The following LOC400499 variants were observed in gnomAD, a reference collection of about 807,000 sequenced individuals.
At chr16:11,381,144 C>A in the LOC400499 span, 63,517 of 151,696 alleles carry the variant, frequency 0.42, 13,599 homozygotes, top group Non-Finnish European at 0.48. Context: ...GGAACTCACT[C>A]CCCGTGCCGG....
At chr16:11,474,828 C>T in the LOC400499 span, among the ~76,000 whole-genome samples, 2 of 152,138 alleles carry the variant, frequency 1.3e-5, no homozygotes, top group African/African-American at 2.4e-5. Flanking sequence ...CATGATTGCA[C>T]CATTGCACTC....
chr16:11,407,426 A>C, the LOC400499 span: 1 of 396,446 alleles, frequency 2.5e-6, no homozygotes, highest in Non-Finnish European at 4.4e-6. Flanking sequence ...TGCTGGCTGT[A>C]GGCCGAGGGC....
the LOC400499 span, among the ~76,000 whole-genome samples, chr16:11,436,263 T>G: frequency 6.6e-6 from 1 of 152,070 alleles, no homozygotes; most frequent in East Asian, 1.9e-4. Context: ...TTGCAACTCC[T>G]CCACAGAAAA....
chr16:11,517,980 G>A, the LOC400499 span, among the ~76,000 whole-genome samples: 3 of 152,194 alleles, frequency 2.0e-5, no homozygotes, highest in East Asian at 5.8e-4. Context: ...AGCTCCAACT[G>A]AAGCCTGGAG....
At chr16:11,484,452 C>G in the LOC400499 span, among the ~76,000 whole-genome samples, 1 of 152,004 alleles carries the variant, frequency 6.6e-6, no homozygotes, top group African/African-American at 2.4e-5. Context: ...TAGTGTTCAC[C>G]GTGTGTCAAT....
chr16:11,413,940 C>A, the LOC400499 span, among the ~76,000 whole-genome samples: 5 of 152,158 alleles, frequency 3.3e-5, no homozygotes, highest in South Asian at 8.3e-4. Context: ...TCGGAGAGGG[C>A]CTTGGTAAGG....
chr16:11,381,888 T>C, the LOC400499 span, among the ~76,000 whole-genome samples: 2 of 152,190 alleles, frequency 1.3e-5, no homozygotes, highest in Non-Finnish European at 2.9e-5. Flanking sequence ...GATGGATTTA[T>C]TGTATTGGGG....
chr16:11,399,649 G>C, the LOC400499 span: 3 of 398,732 alleles, frequency 7.5e-6, no homozygotes, highest in Admixed American at 4.4e-5. Flanking sequence ...CAGCTGAGAA[G>C]CCTGGAGCGA....
chr16:11,446,828 G>A, the LOC400499 span: 17 of 1,536,056 alleles, frequency 1.1e-5, no homozygotes, highest in Non-Finnish European at 1.5e-5. Flanking sequence ...CTAGTCTCCA[G>A]GGAATAGCGC....
the LOC400499 span, among the ~76,000 whole-genome samples, chr16:11,382,334 C>G: frequency 6.6e-6 from 1 of 152,194 alleles, no homozygotes; most frequent in Non-Finnish European, 1.5e-5. Context: ...TTTTAAATGT[C>G]TGAATGGCAG....
At chr16:11,491,049 T>A in the LOC400499 span, among the ~76,000 whole-genome samples, 1 of 152,226 alleles carries the variant, frequency 6.6e-6, no homozygotes, top group East Asian at 1.9e-4. Flanking sequence ...TTAACTCATT[T>A]TATGCTCACA....
the LOC400499 span, chr16:11,478,638 G>A: frequency 3.5e-5 from 14 of 399,106 alleles, no homozygotes; most frequent in East Asian, 3.6e-4. Context: ...GCAACTTCAC[G>A]CTCAGCTCGC....
the LOC400499 span, chr16:11,475,565 T>G: frequency 2.5e-6 from 1 of 398,524 alleles, no homozygotes; most frequent in East Asian, 3.6e-5. Flanking sequence ...GCTGGCATTT[T>G]TCCCTTCAAC....
At chr16:11,396,791 C>T in the LOC400499 span, 7 of 838,346 alleles carry the variant, frequency 8.3e-6, no homozygotes, top group Non-Finnish European at 4.8e-6. Context: ...CCACACCTGT[C>T]GCAGCTCACA....
At chr16:11,518,502 C>T in the LOC400499 span, among the ~76,000 whole-genome samples, 1 of 152,064 alleles carries the variant, frequency 6.6e-6, no homozygotes, top group African/African-American at 2.4e-5. Context: ...GTCCCATTAG[C>T]CGGAGTCTTC....
At chr16:11,409,145 C>G in the LOC400499 span, among the ~76,000 whole-genome samples, 42,309 of 151,638 alleles carry the variant, frequency 0.28, 6,221 homozygotes, top group Admixed American at 0.38. Flanking sequence ...CCTGTAATCC[C>G]AGCTACTCAG....
At chr16:11,510,371 C>T in the LOC400499 span, among the ~76,000 whole-genome samples, 17 of 151,926 alleles carry the variant, frequency 1.1e-4, no homozygotes, top group Middle Eastern at 0.017. Context: ...CTGGGACACA[C>T]AGAGGTCGTG....
chr16:11,519,690 C>T, the LOC400499 span, among the ~76,000 whole-genome samples: 1 of 150,366 alleles, frequency 6.7e-6, no homozygotes, highest in Admixed American at 6.6e-5. Context: ...CAAAAAGTCA[C>T]GTATTATGTG....
the LOC400499 span, among the ~76,000 whole-genome samples, chr16:11,389,270 T>C: frequency 6.6e-6 from 1 of 152,240 alleles, no homozygotes; most frequent in Non-Finnish European, 1.5e-5. Context: ...GTTCCTTCTC[T>C]AGCATTTGCT....
Sources: allele counts gnomAD v4.1 joint callset (sites outside exome capture counted in the v4.1 genomes callset), GRCh38; gene constraint gnomAD v4.1.1; transcripts MANE v1.5.